Variants in ZFPM2 observed in about 807,000 individuals in gnomAD.
ZFPM2 encodes zinc finger protein, FOG family member 2.
Under a neutral mutation model 98.6 loss-of-function variants are expected in ZFPM2, and 20 were observed. The ratio of observed to expected loss-of-function variants is 0.20; its 90% CI spans 0.14 to 0.29. The LOEUF is 0.29. Ranked by LOEUF, ZFPM2 falls within the 10% of genes least tolerant of loss-of-function variation. The pLI, the probability that ZFPM2 is intolerant of heterozygous loss-of-function variation, is 1.00. For synonymous variants in ZFPM2, 518 were observed against 502.7 expected, an observed-to-expected ratio of 1.03 and a Z score of -0.41; for missense variants, 1,310 against 1,388.6, an observed-to-expected ratio of 0.94 and a Z score of 0.90.
intron 3 of ZFPM2, among the ~76,000 whole-genome samples, chr8:105,517,247 AG>A (rs2130531070): frequency 6.6e-6 from 1 of 152,282 alleles, no homozygotes; most frequent in South Asian, 2.1e-4. Context: ...ATCTTAATGG[AG>A]ACATTTGCTT....
chr8:105,778,325 T>G (rs1232244039), intron 5 of ZFPM2, among the ~76,000 whole-genome samples: 1 of 152,148 alleles, frequency 6.6e-6, no homozygotes, highest in Non-Finnish European at 1.5e-5. Context: ...ACTTCTCAGT[T>G]ATGAAAAAAA....
At chr8:105,557,478 T>TCC (rs1364764916) in intron 3 of ZFPM2, among the ~76,000 whole-genome samples, 1 of 152,202 alleles carries the variant, frequency 6.6e-6, no homozygotes, top group Non-Finnish European at 1.5e-5. Flanking sequence ...AACAGGAACA[T>TCC]GGCCATTGGC....
intron 3 of ZFPM2, among the ~76,000 whole-genome samples, chr8:105,504,706 CG>C (rs1813661823): frequency 6.6e-6 from 1 of 151,568 alleles, no homozygotes; most frequent in Admixed American, 6.6e-5. Flanking sequence ...ACTTGTATTT[CG>C]CAACCATGTT....
intron 5 of ZFPM2, chr8:105,780,418 A>C (rs1017805094): frequency 2.6e-5 from 4 of 152,220 alleles, no homozygotes; most frequent in African/African-American, 9.7e-5. Context: ...CAAAATAATA[A>C]AGAATTAAAC....
chr8:105,731,025 G>T (rs1008626598), intron 5 of ZFPM2, among the ~76,000 whole-genome samples: 14 of 151,478 alleles, frequency 9.2e-5, no homozygotes, highest in African/African-American at 3.1e-4. Context: ...CTGGTTAGAG[G>T]CTTTTGTAGA....
At position 105,794,350 on chromosome 8, in the gene ZFPM2, T is replaced by G. The variant is rs192443825; in HGVS notation, c.740-4374T>G. 9.6e-4 allele frequency among the ~76,000 whole-genome samples: 146 copies of G among 152,354 alleles called. 1 individual carries two copies. The highest frequency in any genetic ancestry group is 3.3e-3 in the African/African-American group (138 of 41,588). ...GAGTTTGCTAGAGGTCCACTCCAGA[T>G]GCTGTTTGCCTAGGTAGCAGCAGCG... On this transcript the variant is annotated intron_variant, in intron 6 of 7. Coordinates refer to ENST00000407775, the MANE Select transcript of ZFPM2 (RefSeq NM_012082.4).
At chr8:105,468,621 T>C (rs1366209836) in intron 3 of ZFPM2, among the ~76,000 whole-genome samples, 1 of 152,126 alleles carries the variant, frequency 6.6e-6, no homozygotes, top group Non-Finnish European at 1.5e-5. Flanking sequence ...GTTGCTTTAC[T>C]GTGAGATGGG....
At chr8:105,369,670 A>G (rs1810580113) in intron 1 of ZFPM2, among the ~76,000 whole-genome samples, 1 of 152,200 alleles carries the variant, frequency 6.6e-6, no homozygotes, top group East Asian at 1.9e-4. Flanking sequence ...CAGTCCTAAT[A>G]AAAATCTAAA....
chr8:105,675,118 A>G (rs757148530), intron 5 of ZFPM2, among the ~76,000 whole-genome samples: 1 of 152,164 alleles, frequency 6.6e-6, no homozygotes, highest in Non-Finnish European at 1.5e-5. Flanking sequence ...GGTAGAGAAT[A>G]TGTCAAAATA....
chr8:105,721,036 C>T (rs1388803572), intron 5 of ZFPM2, among the ~76,000 whole-genome samples: 4 of 151,802 alleles, frequency 2.6e-5, no homozygotes, highest in African/African-American at 4.8e-5. Context: ...TCCTTTTTAG[C>T]GACCCATGCA....
chr8:105,676,013 C>A (rs1238743713), intron 5 of ZFPM2: 1 of 152,152 alleles, frequency 6.6e-6, no homozygotes, highest in African/African-American at 2.4e-5. Context: ...TAAACAGTGT[C>A]ACCTTCAGGT....
chr8:105,406,836 T>C (rs570772688), intron 1 of ZFPM2, among the ~76,000 whole-genome samples: 1 of 151,902 alleles, frequency 6.6e-6, no homozygotes, highest in Non-Finnish European at 1.5e-5. Flanking sequence ...AGGGATAAAG[T>C]AGTGAATGGC....
chr8:105,496,982 CAAAA>C (rs1207276670), intron 3 of ZFPM2, among the ~76,000 whole-genome samples: 2,420 of 31,334 alleles, frequency 0.077, 92 homozygotes, highest in African/African-American at 0.22. Context: ...AACTCCGTCT[CAAAA>C]AAAAAAAAAA....
intron 5 of ZFPM2, among the ~76,000 whole-genome samples, chr8:105,745,016 A>G (rs1812310758): frequency 6.6e-6 from 1 of 152,144 alleles, no homozygotes; most frequent in Non-Finnish European, 1.5e-5. Flanking sequence ...CTGCATTCAT[A>G]GAATATTATG....
At chr8:105,433,293 T>C (rs1563656132) in intron 2 of ZFPM2, among the ~76,000 whole-genome samples, 1 of 152,238 alleles carries the variant, frequency 6.6e-6, no homozygotes, top group Non-Finnish European at 1.5e-5. Flanking sequence ...GAAAAACTAT[T>C]TTCACATGGA....
chr8:105,539,507 C>T (rs571732176), intron 3 of ZFPM2, among the ~76,000 whole-genome samples: 5 of 152,202 alleles, frequency 3.3e-5, no homozygotes, highest in South Asian at 2.1e-4. Context: ...GCAGTGCCTA[C>T]ACATCTTGGA....
At chr8:105,726,049 C>T (rs1178259463) in intron 5 of ZFPM2, among the ~76,000 whole-genome samples, 2 of 151,720 alleles carry the variant, frequency 1.3e-5, no homozygotes, top group African/African-American at 4.8e-5. Context: ...TTTAAGTATG[C>T]AAATCTCCTT....
chr8:105,678,466 T>A (rs889331348), intron 5 of ZFPM2: 2 of 152,190 alleles, frequency 1.3e-5, no homozygotes, highest in Non-Finnish European at 2.9e-5. Flanking sequence ...TTACTTTCAT[T>A]GTCTCTGTTT....
At chr8:105,327,236 T>A (rs1480288781) in intron 1 of ZFPM2, among the ~76,000 whole-genome samples, 1 of 151,674 alleles carries the variant, frequency 6.6e-6, no homozygotes, top group African/African-American at 2.4e-5. Context: ...ATTTTTTCAG[T>A]AATAATCTCT....
Sources: gnomAD v4.1 joint callset for allele counts (sites outside exome capture counted in the v4.1 genomes callset) on GRCh38, gnomAD v4.1.1 for gene constraint, MANE v1.5 for transcripts, NCBI Gene and HGNC (gene_info 2026-07-23, HGNC 2026-07-21) for gene names.